Variants in WDFY4 observed in about 807,000 individuals in gnomAD.
The protein encoded by WDFY4 is WD repeat- and FYVE domain-containing protein 4.
WDFY4 carries 169 observed loss-of-function variants against 351.9 expected under a neutral mutation model. The ratio of observed to expected loss-of-function variants is 0.48; its 90% confidence interval spans 0.42 to 0.55. The LOEUF is 0.55. Among genes scored for constraint, WDFY4 ranks in the 20% least tolerant of loss-of-function variants. The pLI is 0.00. For synonymous variants in WDFY4, 1,622 were observed against 1,574.6 expected, an observed-to-expected ratio of 1.03 and a Z score of -0.71; for missense variants, 3,803 against 3,935.6, an observed-to-expected ratio of 0.97 and a Z score of 0.90.
Position 48,709,700 on chromosome 10 carries a change from T to C in WDFY4, c.-17-16T>C, listed in dbSNP as rs1246540780. ...GATGTGACAGGAATGTTCACTTCTA[T>C]TTGTTCTGAATTCAGATCTGCTTTG... is the stretch of plus-strand genomic sequence containing the variant. On this transcript the variant is annotated splice_polypyrimidine_tract_variant and intron_variant, in intron 1 of 61. Transcript: ENST00000325239. The C allele has an allele frequency of 6.5e-7, 1 of 1,546,432 alleles. No individual in the cohort carries two copies. The highest frequency in any genetic ancestry group is 2.0e-5 in the Admixed American group (1 of 50,994).
At chr10:48,804,073 A>G (rs1275012657) in intron 25 of WDFY4, among the ~76,000 whole-genome samples, 1 of 152,180 alleles carries the variant, frequency 6.6e-6, no homozygotes, top group African/African-American at 2.4e-5. Context: ...GTGTCCCATG[A>G]CTGGGCTGGA....
chr10:48,732,193 G>T (rs2064485812), intron 9 of WDFY4, among the ~76,000 whole-genome samples: 1 of 152,192 alleles, frequency 6.6e-6, no homozygotes, highest in African/African-American at 2.4e-5. Flanking sequence ...TTGGGCTCTT[G>T]CACTGCCTCA....
intron 60 of WDFY4, chr10:48,979,907 T>C (rs1371273401): frequency 6.6e-6 from 1 of 152,202 alleles, no homozygotes. Context: ...AGAGTACTGA[T>C]GACAGAATAA....
intron 47 of WDFY4, among the ~76,000 whole-genome samples, chr10:48,931,824 A>G (rs1840029480): frequency 6.6e-6 from 1 of 152,196 alleles, no homozygotes; most frequent in Non-Finnish European, 1.5e-5. Flanking sequence ...CCAATAAGAG[A>G]GATAGCTTTC....
intron 45 of WDFY4, among the ~76,000 whole-genome samples, chr10:48,897,891 G>A (rs917373688): frequency 6.6e-6 from 1 of 152,240 alleles, no homozygotes; most frequent in South Asian, 2.1e-4. Flanking sequence ...TAGGAATACA[G>A]GGCAGGACAG....
intron 12 of WDFY4, among the ~76,000 whole-genome samples, chr10:48,747,768 C>A (rs146324022): frequency 2.6e-5 from 4 of 152,296 alleles, no homozygotes; most frequent in African/African-American, 7.2e-5. Flanking sequence ...TCTTCAAACA[C>A]AAGAATCATA....
At chr10:48,761,554 G>T (rs776393187) in intron 13 of WDFY4, among the ~76,000 whole-genome samples, 39 of 152,308 alleles carry the variant, frequency 2.6e-4, no homozygotes, top group Non-Finnish European at 5.0e-4. Context: ...GGAGGCTACA[G>T]GTAATGGAGA....
chr10:48,881,308 T>C (rs1305256700), intron 43 of WDFY4, among the ~76,000 whole-genome samples: 2 of 152,306 alleles, frequency 1.3e-5, no homozygotes, highest in African/African-American at 4.8e-5. Context: ...CTGTTAAGAC[T>C]GAGGCTCCTG....
At chr10:48,943,229 C>G (rs1840872072) in intron 48 of WDFY4, 101 bp from the exon 49 acceptor site, 1 of 1,418,816 alleles carries the variant, frequency 7.0e-7, no homozygotes, top group African/African-American at 1.4e-5. Flanking sequence ...TGTCCTCACC[C>G]ACAGAGCCAG....
Position 48,743,304 on chromosome 10 carries a change from G to T in WDFY4, c.2215G>T (p.Ala739Ser). 6.4e-7 allele frequency: 1 copy of T among 1,551,676 alleles called. No homozygotes were observed. The highest frequency in any genetic ancestry group is 1.2e-5 in the South Asian group (1 of 84,058). Residue 739 changes from alanine (A) to serine (S), a missense_variant, in exon 12 of 62, where the codon GCC (alanine) becomes TCC (serine). Coordinates refer to ENST00000325239, the MANE Select transcript of WDFY4 (RefSeq NM_001394531.1). ...NLLRSWVDTK[A>S]RPFADLLGTA... is the part of the protein sequence containing the mutation. ...GCTGCGCTCTTGGGTGGACACAAAG[G>T]CCAGGCCATTTGCAGATTTGCTGGG... is the stretch of plus-strand genomic sequence containing the variant.
At chr10:48,725,860 G>A in intron 5 of WDFY4, 21 bp from the exon 6 acceptor site, 1 of 1,531,540 alleles carries the variant, frequency 6.5e-7, no homozygotes. Context: ...CTCCTTGACT[G>A]TTTATCTTCT....
chr10:48,911,028 C>G, intron 47 of WDFY4: 1 of 393,770 alleles, frequency 2.5e-6, no homozygotes, highest in Non-Finnish European at 3.5e-6. Context: ...CTATCCGGCA[C>G]TGTCTGTCTC....
chr10:48,884,215 G>A (rs1483286025), intron 43 of WDFY4: 1 of 152,140 alleles, frequency 6.6e-6, no homozygotes, highest in African/African-American at 2.4e-5. Context: ...CCTCTGGATT[G>A]CAGAGAGTGG....
At chr10:48,941,774 T>C in intron 47 of WDFY4, 32 bp from the exon 48 acceptor site, 1 of 1,550,986 alleles carries the variant, frequency 6.4e-7, no homozygotes, top group African/African-American at 1.4e-5. Context: ...CCTTGGTATA[T>C]TTAGTCACCA....
intron 47 of WDFY4, among the ~76,000 whole-genome samples, chr10:48,906,548 C>T (rs7909682): frequency 0.12 from 17,509 of 152,232 alleles, 2,568 homozygotes; most frequent in African/African-American, 0.34. Flanking sequence ...CTAACATATG[C>T]CAGCTAGAGC....
intron 43 of WDFY4, chr10:48,878,501 C>A (rs1446983246): frequency 6.6e-6 from 1 of 152,262 alleles, no homozygotes; most frequent in Non-Finnish European, 1.5e-5. Flanking sequence ...ACAGTTCAAG[C>A]AATGTAGTCC....
At chr10:48,777,109 C>T in intron 16 of WDFY4, 125 bp downstream of exon 16, 2 of 1,248,914 alleles carry the variant, frequency 1.6e-6, no homozygotes, top group Non-Finnish European at 2.2e-6. Context: ...AGGAAAATGT[C>T]TGGGTCATGG....
intron 19 of WDFY4, among the ~76,000 whole-genome samples, chr10:48,782,929 T>A (rs1015667697): frequency 1.3e-5 from 2 of 151,904 alleles, no homozygotes; most frequent in Non-Finnish European, 2.9e-5. Flanking sequence ...GTTGGAGGGG[T>A]GAGTGGTGCT....
intron 44 of WDFY4, among the ~76,000 whole-genome samples, chr10:48,891,425 C>T (rs1490652926): frequency 6.6e-6 from 1 of 152,212 alleles, no homozygotes; most frequent in African/African-American, 2.4e-5. Flanking sequence ...GAAGTAAGGC[C>T]ATTCAAAATC....
Sources: allele counts gnomAD v4.1 joint callset (sites outside exome capture counted in the v4.1 genomes callset), GRCh38; gene constraint gnomAD v4.1.1; transcripts MANE v1.5; gene names NCBI Gene and HGNC (gene_info 2026-07-23, HGNC 2026-07-21).